The following DHPS variants were observed in gnomAD, a reference collection of about 807,000 sequenced individuals.
DHPS encodes migration-inducing gene 13.
In DHPS, 24 loss-of-function variants were observed where a neutral mutation model predicts 38.7. The observed-to-expected ratio is 0.62, with a 90% CI of 0.45 to 0.87. The LOEUF is 0.87. Among genes scored for constraint, DHPS ranks in the 40% least tolerant of loss-of-function variants. The probability of loss-of-function intolerance (pLI) is 0.00; values close to 1 mark genes in which losing one functional copy is unlikely to be tolerated. For missense variants in DHPS, 510 were observed against 497.6 expected (o/e 1.02, Z -0.24); for synonymous variants, 250 against 204.4 (o/e 1.22, Z -1.90).
chr19:12,680,419 C>T lies in DHPS; in HGVS notation c.208-94G>A, dbSNP rs1909755924. Reference sequence around the variant, plus strand: ...CCAGAAACAGATTTCACCCCAGGCCCTGCACATTCAGGGATACAGGACCAG... The same window carrying T: ...CCAGAAACAGATTTCACCCCAGGCCTTGCACATTCAGGGATACAGGACCAG... On this transcript the variant is annotated intron_variant, in intron 1 of 8. Coordinates refer to ENST00000210060, the MANE Select transcript of DHPS (RefSeq NM_001930.4). 7.9e-6 allele frequency: 11 copies of T among 1,391,198 alleles called. No homozygotes were observed. In the Admixed American group the frequency reaches 1.8e-4, roughly 22 times the overall value. 86.2% of individuals were successfully genotyped at this position (1,391,198 alleles called of 1,614,324 possible). A position where few individuals can be genotyped will look rare whatever the true frequency, so the allele number is the denominator to read the frequency against.
chr19:12,675,600 G>T, downstream of DHPS: 1 of 1,605,042 alleles, frequency 6.2e-7, no homozygotes. Flanking sequence ...AGCCCTGCCT[G>T]CTGACCGCCA....
intron 5 of DHPS, among the ~76,000 whole-genome samples, chr19:12,678,372 C>A (rs1048752092): frequency 6.6e-6 from 1 of 152,232 alleles, no homozygotes; most frequent in South Asian, 2.1e-4. Flanking sequence ...CAGGCTGAGG[C>A]AGGAGAATCG....
downstream of DHPS, chr19:12,673,143 C>A (rs758352562): frequency 3.1e-6 from 5 of 1,611,626 alleles, no homozygotes; most frequent in Non-Finnish European, 4.2e-6. Flanking sequence ...GTGGGGATCC[C>A]CTTCCCTCCT....
rs1462906593 is a variant in DHPS, at chr19:12,680,272, C to T, written c.261G>A (p.Leu87=). 5 of 1,614,014 alleles carry T rather than the reference C, an allele frequency of 3.1e-6. No homozygotes were observed. The African/African-American group carries it at 4.0e-5, about 13-fold the overall frequency. Residue 87 remains leucine, a synonymous_variant, in exon 2 of 9, where the codon CTG becomes CTA. Coordinates refer to ENST00000210060, the MANE Select transcript of DHPS (RefSeq NM_001930.4). The part of the protein sequence containing the change: ...LSQDEDQHAD[L]TQSRRPLTSC... ...TGGTAAGTGGGCGGCGGCTCTGGGT[C>T]AGGTCCGCGTGCTGGTCTTCATCCT...
chr19:12,678,801 GCTTT>G (rs1279593154), intron 5 of DHPS, among the ~76,000 whole-genome samples: 3 of 132,636 alleles, frequency 2.3e-5, no homozygotes, highest in Non-Finnish European at 4.8e-5. Context: ...AGACTATGTA[GCTTT>G]TTTTTTTTTT....
intron 5 of DHPS, among the ~76,000 whole-genome samples, chr19:12,679,139 A>T (rs965010682): frequency 1.3e-5 from 2 of 152,024 alleles, no homozygotes; most frequent in African/African-American, 4.8e-5. Flanking sequence ...TCTACAAAAA[A>T]TTTTTAAAAT....
rs2024814705 is a variant in DHPS, at chr19:12,681,564, G to A, written c.203C>T (p.Ala68Val). 1.9e-6 allele frequency: 3 copies of A among 1,614,110 alleles called. No individual in the cohort carries two copies. The South Asian group carries it at 3.3e-5, about 18-fold the overall frequency. Residue 68 changes from alanine (A) to valine (V), a missense_variant, in exon 1 of 9, where the codon GCC becomes GTC. Transcript: ENST00000210060. ...GAAATTCCGCCCGGTCCTCACCATG[G>A]CATTGACTTGCTGTACAGCGCGCCC... The part of the protein sequence containing the change: ...NFGRAVQQVN[A>V]MIEKKLEPLS...
chr19:12,679,115 G>T (rs2024712483), intron 5 of DHPS, among the ~76,000 whole-genome samples: 1 of 152,022 alleles, frequency 6.6e-6, no homozygotes, highest in African/African-American at 2.4e-5. Flanking sequence ...GGGAAACACA[G>T]GGAGACCCCC....
downstream of DHPS, chr19:12,675,408 C>G: frequency 7.0e-7 from 1 of 1,433,850 alleles, no homozygotes; most frequent in Non-Finnish European, 9.3e-7. Context: ...GGCTGAAGGT[C>G]GGGGAGAGGT....
chr19:12,674,455 C>T (rs1285149713), downstream of DHPS, among the ~76,000 whole-genome samples: 3 of 151,876 alleles, frequency 2.0e-5, no homozygotes, highest in Non-Finnish European at 4.4e-5. Flanking sequence ...ACCGGGGGGG[C>T]CCTGAAGACT....
intron 5 of DHPS, among the ~76,000 whole-genome samples, chr19:12,678,411 G>A (rs2024687197): frequency 6.6e-6 from 1 of 152,120 alleles, no homozygotes; most frequent in Non-Finnish European, 1.5e-5. Context: ...AGACAGCAGT[G>A]AGCCATTATT....
intron 5 of DHPS, 137 bp downstream of exon 5, chr19:12,679,320 C>T (rs2024719446): frequency 7.0e-6 from 6 of 852,320 alleles, no homozygotes; most frequent in Non-Finnish European, 1.1e-5. Context: ...AATTACCACG[C>T]CTATCTGTGT....
chr19:12,678,932 TC>T (rs1192522613), intron 5 of DHPS, among the ~76,000 whole-genome samples: 2 of 151,346 alleles, frequency 1.3e-5, no homozygotes. Context: ...CCTCTACTGT[TC>T]CAGAGATAGT....
At chr19:12,677,496 G>T in intron 5 of DHPS, 100 bp from the exon 6 acceptor site, 2 of 948,750 alleles carry the variant, frequency 2.1e-6, no homozygotes, top group African/African-American at 1.6e-5. Context: ...AATTTCTCTA[G>T]GACTGTTTCC....
chr19:12,676,456 T>G, intron 7 of DHPS: 1 of 347,148 alleles, frequency 2.9e-6, no homozygotes, highest in Non-Finnish European at 5.4e-6. Flanking sequence ...GATCCCTGCA[T>G]GGTCACCACT....
intron 1 of DHPS, chr19:12,681,175 C>T: frequency 2.4e-6 from 3 of 1,251,712 alleles, no homozygotes; most frequent in South Asian, 1.3e-5. Context: ...CCTTTCAGAT[C>T]CGGTCCCTTC....
intron 1 of DHPS, 129 bp from the exon 2 acceptor site, chr19:12,680,454 G>C: frequency 1.3e-5 from 12 of 910,124 alleles, no homozygotes; most frequent in Non-Finnish European, 2.0e-5. Context: ...GTTCTACAGG[G>C]GACCAAGGAA....
rs750958228 is a variant in DHPS, at chr19:12,681,781, C to T, written c.-15G>A. ...GAACCTTCCATGCGCCTATAGCCGG[C>T]TCTCGAGTCAAAGCTGCCCCTAGGC... On this transcript the variant is annotated 5_prime_UTR_variant, in exon 1 of 9. Transcript: ENST00000210060. 5 of 1,602,358 alleles carry T rather than the reference C, an allele frequency of 3.1e-6. No homozygotes were observed. In the South Asian group the frequency reaches 4.4e-5, roughly 14 times the overall value.
chr19:12,673,182 C>T (rs867378816), downstream of DHPS: 1 of 1,613,644 alleles, frequency 6.2e-7, no homozygotes, highest in Non-Finnish European at 8.5e-7. Context: ...ACCAAGCCCC[C>T]CGATCCTGTC....
Sources: gnomAD v4.1 joint callset for allele counts (sites outside exome capture counted in the v4.1 genomes callset) on GRCh38, gnomAD v4.1.1 for gene constraint, MANE v1.5 for transcripts, NCBI Gene and HGNC (gene_info 2026-07-23, HGNC 2026-07-21) for gene names.